Variants in BCAS4 observed in about 807,000 individuals in gnomAD.
The protein encoded by BCAS4 is breast carcinoma amplified sequence 4.
BCAS4 carries 9 observed loss-of-function variants against 15.7 expected under a neutral mutation model. The observed-to-expected ratio is 0.57, with a 90% CI of 0.34 to 1.00. The LOEUF is 1.00. BCAS4 is among the 50% of genes least tolerant of loss of function. The pLI is 0.02. For missense variants in BCAS4, 225 were observed against 239.1 expected (o/e 0.94, Z 0.39); for synonymous variants, 101 against 99.5 (o/e 1.02, Z -0.09).
chr20:50,874,301 C>A (rs1403707129), intron 4 of BCAS4, among the ~76,000 whole-genome samples: 4 of 152,218 alleles, frequency 2.6e-5, no homozygotes, highest in African/African-American at 9.7e-5. Flanking sequence ...CCACTCAGCA[C>A]AGGCTGTTCC....
rs1978497956 is a variant in BCAS4, at chr20:50,852,597, G to A, written c.399+10697G>A. Reference sequence around the variant, plus strand: ...AGGTTTTGCCATGTTAGCCAGGCCGGTCTTGAACTCCTGACCCCAAGTGAT... The same window carrying A: ...AGGTTTTGCCATGTTAGCCAGGCCGATCTTGAACTCCTGACCCCAAGTGAT... On this transcript the variant is annotated intron_variant, in intron 4 of 4. Transcript: ENST00000371608. Among the ~76,000 whole-genome samples, 3 of 152,144 alleles carry A rather than the reference G, an allele frequency of 2.0e-5. No individual in the cohort carries two copies. In the South Asian group the frequency reaches 6.2e-4, roughly 32 times the overall value.
rs1181124189 is a variant in BCAS4 at position 50,840,721 on chromosome 20, A to T, written c.265-1045A>T. On this transcript the variant is annotated intron_variant, in intron 3 of 4. Transcript: ENST00000371608. ...CAGTTTCGACTTATCGAATTTCTCG[A>T]TCTCAGCCATATCGGATTTGTCAGA... 21 of 1,612,444 alleles carry T rather than the reference A, an allele frequency of 1.3e-5. No homozygotes were observed. In the African/African-American group the frequency reaches 1.5e-4, roughly 11 times the overall value.
At chr20:50,822,117 C>G (rs2088223380) in intron 2 of BCAS4, among the ~76,000 whole-genome samples, 1 of 152,134 alleles carries the variant, frequency 6.6e-6, no homozygotes, top group African/African-American at 2.4e-5. Context: ...TTGTCTGGTA[C>G]CTGGGCTGGG....
intron 3 of BCAS4, among the ~76,000 whole-genome samples, chr20:50,831,006 T>G (rs948548524): frequency 6.6e-6 from 1 of 152,194 alleles, no homozygotes; most frequent in Non-Finnish European, 1.5e-5. Context: ...GGCATAAATA[T>G]ACAATGTATA....
intron 4 of BCAS4, among the ~76,000 whole-genome samples, chr20:50,862,337 C>T (rs1979127541): frequency 6.6e-6 from 1 of 152,182 alleles, no homozygotes; most frequent in South Asian, 2.1e-4. Context: ...TCTGTTTCCA[C>T]TGTGCTGTCT....
chr20:50,876,439 C>A (rs1404203428), intron 4 of BCAS4, 47 bp from the exon 5 acceptor site: 2 of 1,604,660 alleles, frequency 1.2e-6, no homozygotes, highest in East Asian at 4.5e-5. Flanking sequence ...GGTCATGGAA[C>A]AAGTGGATCC....
intron 1 of BCAS4, among the ~76,000 whole-genome samples, chr20:50,817,190 G>A (rs117518466): frequency 2.0e-5 from 3 of 151,128 alleles, no homozygotes; most frequent in East Asian, 1.9e-4. Flanking sequence ...TTCCTGCCTC[G>A]GCCTCCCAAA....
At chr20:50,879,585 G>C (rs2122706227), downstream of BCAS4, 1 of 152,336 alleles carries the variant, frequency 6.6e-6, no homozygotes, top group Non-Finnish European at 1.5e-5. Flanking sequence ...CTCATTTCCG[G>C]AAGGGTGAGT....
chr20:50,796,245 T>G (rs1331126953), intron 1 of BCAS4, among the ~76,000 whole-genome samples: 7 of 144,878 alleles, frequency 4.8e-5, no homozygotes, highest in Non-Finnish European at 9.1e-5. Flanking sequence ...TAGCCGGGTG[T>G]GTAATCCCAG....
chr20:50,797,853 C>T (rs2087884966), intron 1 of BCAS4, among the ~76,000 whole-genome samples: 1 of 151,876 alleles, frequency 6.6e-6, no homozygotes, highest in Non-Finnish European at 1.5e-5. Flanking sequence ...TTAGTAGAGA[C>T]AGGGTTCCTC....
At chr20:50,804,526 A>G (rs2087967187) in intron 1 of BCAS4, among the ~76,000 whole-genome samples, 1 of 152,256 alleles carries the variant, frequency 6.6e-6, no homozygotes, top group East Asian at 1.9e-4. Context: ...TGCAATAAAT[A>G]TCTCTGCACA....
At chr20:50,871,724 C>CCCCT (rs1418020058) in intron 4 of BCAS4, among the ~76,000 whole-genome samples, 1 of 152,190 alleles carries the variant, frequency 6.6e-6, no homozygotes, top group East Asian at 1.9e-4. Context: ...CTCAGGCGGG[C>CCCCT]CCCTGGTGGG....
At chr20:50,825,947 A>G (rs1358806054) in intron 2 of BCAS4, among the ~76,000 whole-genome samples, 2 of 152,090 alleles carry the variant, frequency 1.3e-5, no homozygotes, top group African/African-American at 4.8e-5. Flanking sequence ...CTTTATTCCC[A>G]ATTCTTTGGG....
intron 1 of BCAS4, among the ~76,000 whole-genome samples, chr20:50,803,047 G>A (rs929483393): frequency 6.6e-6 from 1 of 152,130 alleles, no homozygotes; most frequent in Non-Finnish European, 1.5e-5. Context: ...CAGCTGTGGC[G>A]GTATGCACCT....
chr20:50,820,636 G>T (rs1568662167), intron 2 of BCAS4, among the ~76,000 whole-genome samples: 1 of 152,180 alleles, frequency 6.6e-6, no homozygotes, highest in African/African-American at 2.4e-5. Flanking sequence ...AGGAGACCCA[G>T]CATCAGCCTG....
chr20:50,854,673 G>A (rs766423359), intron 4 of BCAS4, among the ~76,000 whole-genome samples: 6 of 152,136 alleles, frequency 3.9e-5, no homozygotes, highest in African/African-American at 1.2e-4. Context: ...TTGGCACAGC[G>A]CTAGCACATA....
chr20:50,838,666 G>A (rs2088439161), intron 3 of BCAS4, among the ~76,000 whole-genome samples: 1 of 152,124 alleles, frequency 6.6e-6, no homozygotes, highest in South Asian at 2.1e-4. Context: ...CCAACACAGA[G>A]AAACTCCGTC....
intron 3 of BCAS4, among the ~76,000 whole-genome samples, chr20:50,833,578 G>A (rs1277468195): frequency 1.3e-5 from 2 of 152,222 alleles, no homozygotes; most frequent in African/African-American, 2.4e-5. Flanking sequence ...CAAGATTGCC[G>A]CGTTTCAAAG....
chr20:50,852,178 C>T (rs1160659152), intron 4 of BCAS4, among the ~76,000 whole-genome samples: 2 of 152,160 alleles, frequency 1.3e-5, no homozygotes, highest in African/African-American at 4.8e-5. Flanking sequence ...GGGCCTGGCC[C>T]ATTTGATTCC....
Sources: gnomAD v4.1 joint callset for allele counts (sites outside exome capture counted in the v4.1 genomes callset) on GRCh38, gnomAD v4.1.1 for gene constraint, MANE v1.5 for transcripts, NCBI Gene and HGNC (gene_info 2026-07-23, HGNC 2026-07-21) for gene names.